The following CHST11 variants were observed in gnomAD, a reference collection of about 807,000 sequenced individuals.
CHST11 encodes the protein C4S-1.
CHST11 carries 9 observed loss-of-function variants against 30.4 expected under a neutral mutation model. The observed-to-expected ratio is 0.30, with a 90% confidence interval of 0.18 to 0.52. The LOEUF is 0.52. Among genes scored for constraint, CHST11 ranks in the 20% least tolerant of loss-of-function variants. CHST11 has a pLI of 0.97. For missense variants in CHST11, 348 were observed against 460.6 expected, an observed-to-expected ratio of 0.76 and a Z score of 2.24; for synonymous variants, 152 against 187.8, an observed-to-expected ratio of 0.81 and a Z score of 1.56.
intron 2 of CHST11, among the ~76,000 whole-genome samples, chr12:104,730,849 CAGA>C (rs2040251572): frequency 1.3e-5 from 2 of 152,160 alleles, no homozygotes; most frequent in South Asian, 4.1e-4. Flanking sequence ...AGCAGTTTCC[CAGA>C]AGGGCTCTAC....
At chr12:104,486,297 C>T (rs1421500442) in intron 1 of CHST11, among the ~76,000 whole-genome samples, 1 of 123,580 alleles carries the variant, frequency 8.1e-6, no homozygotes, top group Admixed American at 9.1e-5. Flanking sequence ...GTTTTAAAGT[C>T]AGTGTGATTT....
At chr12:104,498,605 T>G (rs1230911677) in intron 1 of CHST11, among the ~76,000 whole-genome samples, 1 of 152,172 alleles carries the variant, frequency 6.6e-6, no homozygotes, top group Non-Finnish European at 1.5e-5. Context: ...CCTTCAAAGA[T>G]GCTTTTATTG....
At chr12:104,645,819 C>T (rs2039423493) in intron 2 of CHST11, among the ~76,000 whole-genome samples, 1 of 152,168 alleles carries the variant, frequency 6.6e-6, no homozygotes, top group Admixed American at 6.5e-5. Flanking sequence ...GACAGAGCAC[C>T]ACTCTTTATC....
chr12:104,561,812 GAC>G (rs1442020941), intron 1 of CHST11, among the ~76,000 whole-genome samples: 1 of 144,594 alleles, frequency 6.9e-6, no homozygotes, highest in Non-Finnish European at 1.5e-5. Flanking sequence ...TTTTTTTTGA[GAC>G]AGAGTCTCAC....
chr12:104,554,932 G>A (rs920283192), intron 1 of CHST11, among the ~76,000 whole-genome samples: 4 of 152,172 alleles, frequency 2.6e-5, no homozygotes, highest in East Asian at 1.9e-4. Flanking sequence ...AGGCTGTACC[G>A]GGGTTGGTGG....
chr12:104,756,369 A>G (rs911991663), intron 2 of CHST11, among the ~76,000 whole-genome samples: 2 of 152,132 alleles, frequency 1.3e-5, no homozygotes, highest in African/African-American at 4.8e-5. Flanking sequence ...TGCTCTTAGA[A>G]TTCAGAGGAA....
intron 1 of CHST11, among the ~76,000 whole-genome samples, chr12:104,475,691 T>TATATATATATATATATATA (rs6144846): frequency 5.2e-4 from 66 of 127,764 alleles, no homozygotes; most frequent in East Asian, 2.0e-3. Flanking sequence ...TATATATATA[T>TATATATATATATATATATA]TTCTGATTAT....
chr12:104,565,258 A>ATTTT (rs66825272), intron 1 of CHST11, among the ~76,000 whole-genome samples: 1,578 of 72,930 alleles, frequency 0.022, 65 homozygotes, highest in African/African-American at 0.076. Flanking sequence ...GTTTTCTAGG[A>ATTTT]TTTTTTTTTT....
rs10622882 is a variant in CHST11, at chr12:104,637,302, T to TAAAAAAAAAAAAA, written c.204+35332_204+35344dup. Among the ~76,000 whole-genome samples the TAAAAAAAAAAAAA allele has an allele frequency of 7.4e-4, 46 of 62,572 alleles. 4 individuals carry two copies. The highest frequency in any genetic ancestry group is 1.4e-3 in the African/African-American group (17 of 11,948). 41.0% of individuals were successfully genotyped at this position (62,572 alleles called of 152,430 possible). A position where few individuals can be genotyped will look rare whatever the true frequency, so the allele number is the denominator to read the frequency against. On this transcript the variant is annotated intron_variant, in intron 2 of 2. Transcript: ENST00000303694. Reference sequence around the variant, plus strand: ...CCTGGGCCATGGGAGTGAGACCCTGTAAAAAAAAAAAAAAAAAAAAAAAAA... The same window carrying TAAAAAAAAAAAAA: ...CCTGGGCCATGGGAGTGAGACCCTGTAAAAAAAAAAAAAAAAAAAAAAAAAAAAAAAAAAAAAA...
intron 1 of CHST11, among the ~76,000 whole-genome samples, chr12:104,548,189 CG>C (rs2038369675): frequency 6.6e-6 from 1 of 152,142 alleles, no homozygotes; most frequent in South Asian, 2.1e-4. Context: ...ACCTAATGCA[CG>C]GTGGCACACA....
chr12:104,539,896 A>G (rs1325234303), intron 1 of CHST11, among the ~76,000 whole-genome samples: 1 of 152,012 alleles, frequency 6.6e-6, no homozygotes, highest in Non-Finnish European at 1.5e-5. Context: ...CTGGTCTCGA[A>G]CTCGTGAGCT....
intron 2 of CHST11, among the ~76,000 whole-genome samples, chr12:104,718,549 T>C (rs2040149319): frequency 6.6e-6 from 1 of 152,214 alleles, no homozygotes; most frequent in Non-Finnish European, 1.5e-5. Flanking sequence ...TAATGAAGAA[T>C]GAATTTCTAG....
chr12:104,594,370 A>G (rs2038888497), intron 1 of CHST11, among the ~76,000 whole-genome samples: 1 of 152,220 alleles, frequency 6.6e-6, no homozygotes, highest in African/African-American at 2.4e-5. Flanking sequence ...TCTCACAGAG[A>G]TAGTGGTTCC....
At chr12:104,476,155 T>C (rs2037559522) in intron 1 of CHST11, among the ~76,000 whole-genome samples, 1 of 139,826 alleles carries the variant, frequency 7.2e-6, no homozygotes, top group African/African-American at 2.6e-5. Context: ...ATAATAAATA[T>C]ATAAATAAAT....
At chr12:104,709,715 AT>A (rs1449339170) in intron 2 of CHST11, among the ~76,000 whole-genome samples, 3 of 152,106 alleles carry the variant, frequency 2.0e-5, no homozygotes, top group African/African-American at 7.2e-5. Flanking sequence ...GAATAGGCAA[AT>A]CCGTGGAGAC....
At chr12:104,494,267 C>T (rs981026426) in intron 1 of CHST11, among the ~76,000 whole-genome samples, 1 of 152,128 alleles carries the variant, frequency 6.6e-6, no homozygotes, top group Non-Finnish European at 1.5e-5. Flanking sequence ...GCCTGCACCA[C>T]GAAGCAAAGG....
At chr12:104,733,421 T>G (rs989731252) in intron 2 of CHST11, among the ~76,000 whole-genome samples, 4 of 152,192 alleles carry the variant, frequency 2.6e-5, no homozygotes, top group African/African-American at 9.7e-5. Context: ...GGGGCACCTT[T>G]AAACCCAGCA....
At chr12:104,635,051 G>A (rs555881092) in intron 2 of CHST11, among the ~76,000 whole-genome samples, 3 of 152,008 alleles carry the variant, frequency 2.0e-5, no homozygotes, top group Non-Finnish European at 2.9e-5. Flanking sequence ...CAAGTGCAGA[G>A]TCAGCAGTCC....
intron 2 of CHST11, among the ~76,000 whole-genome samples, chr12:104,660,900 C>T (rs1447521860): frequency 6.6e-6 from 1 of 152,154 alleles, no homozygotes; most frequent in Non-Finnish European, 1.5e-5. Context: ...GTCTAAACTA[C>T]TTACATTTGG....
Sources: gnomAD v4.1 joint callset for allele counts (sites outside exome capture counted in the v4.1 genomes callset) on GRCh38, gnomAD v4.1.1 for gene constraint, MANE v1.5 for transcripts, NCBI Gene and HGNC (gene_info 2026-07-23, HGNC 2026-07-21) for gene names.